Variants in ACSL1 observed in about 807,000 individuals in gnomAD.
ACSL1 encodes the protein long-chain-fatty-acid--CoA ligase 1.
Under a neutral mutation model 98.4 loss-of-function variants are expected in ACSL1, and 41 were observed. The ratio of observed to expected loss-of-function variants is 0.42; its 90% CI spans 0.32 to 0.54. The LOEUF is 0.54. Among genes scored for constraint, ACSL1 ranks in the 20% least tolerant of loss-of-function variants. ACSL1 has a pLI of 0.13. For synonymous variants in ACSL1, 316 were observed against 322.7 expected (o/e 0.98, Z 0.22); for missense variants, 734 against 883.1 (o/e 0.83, Z 2.14).
chr4:184,773,193 G>T lies in ACSL1; in HGVS notation c.842-39C>A. On this transcript the variant is annotated intron_variant, in intron 9 of 20. Coordinates refer to ENST00000281455, the MANE Select transcript of ACSL1 (RefSeq NM_001995.5). This position sits in a 1 kb window ranked among gnomAD's most constrained non-coding sequence, Gnocchi z 4.3. Reference sequence around the variant, plus strand: ...ATGAAGCAGAACAAAGTTAAAGAATGACAGAAATGAAGGAGGCCCAGAAAC... The same window carrying T: ...ATGAAGCAGAACAAAGTTAAAGAATTACAGAAATGAAGGAGGCCCAGAAAC... 6.4e-7 allele frequency: 1 copy of T among 1,573,062 alleles called. No homozygotes were observed. Among genetic ancestry groups the T allele is most frequent in the South Asian group, 1.1e-5 (1 of 89,844 alleles).
chr4:184,758,054 C>T (rs1325565528), intron 18 of ACSL1, 134 bp from the exon 19 acceptor site: 2 of 785,062 alleles, frequency 2.5e-6, no homozygotes, highest in South Asian at 3.5e-5. Context: ...GAACATACTA[C>T]CCCCCTCCCC....
At chr4:184,823,327 A>C (rs566201870) in intron 1 of ACSL1, among the ~76,000 whole-genome samples, 91 of 152,356 alleles carry the variant, frequency 6.0e-4, no homozygotes, top group African/African-American at 2.1e-3. Flanking sequence ...CATCCAAACA[A>C]GACTCTCCAC....
chr4:184,761,457 T>C (rs1027361941), intron 17 of ACSL1, among the ~76,000 whole-genome samples: 3 of 152,172 alleles, frequency 2.0e-5, no homozygotes, highest in African/African-American at 7.2e-5. Context: ...GCAATCAGCA[T>C]CATAATAACT....
At chr4:184,781,603 GTTTC>G (rs935136303) in intron 4 of ACSL1, among the ~76,000 whole-genome samples, 1 of 151,514 alleles carries the variant, frequency 6.6e-6, no homozygotes, top group Non-Finnish European at 1.5e-5. Context: ...TCTTTTCTTT[GTTTC>G]TTTCTTTTTT....
chr4:184,762,653 G>A (rs773500669), intron 16 of ACSL1, 130 bp from the exon 17 acceptor site: 9 of 783,806 alleles, frequency 1.1e-5, no homozygotes. Flanking sequence ...AGGATGCAGA[G>A]GGAGTTACCA....
chr4:184,777,954 G>A (rs963439451), intron 5 of ACSL1, among the ~76,000 whole-genome samples: 5 of 152,234 alleles, frequency 3.3e-5, no homozygotes, highest in African/African-American at 1.2e-4. Flanking sequence ...GGGGCTCAAG[G>A]AAGACCCCTC....
intron 1 of ACSL1, chr4:184,812,304 G>T: frequency 1.2e-6 from 1 of 867,104 alleles, no homozygotes; most frequent in Non-Finnish European, 1.4e-6. Context: ...AGTCATGAAT[G>T]ACCCTCTGTG....
chr4:184,783,948 A>T lies in ACSL1; in HGVS notation c.354T>A (p.Tyr118Ter). 1.9e-6 allele frequency: 3 copies of T among 1,613,894 alleles called. No individual in the cohort carries two copies. The highest frequency in any genetic ancestry group is 2.5e-6 in the Non-Finnish European group (3 of 1,179,854). Reference sequence around the variant, plus strand: ...TCACCTGTTTATATGAAAGCCATTCATAGGGTTGGTCTGGTTTCCGAGAGC... The same window carrying T: ...TCACCTGTTTATATGAAAGCCATTCTTAGGGTTGGTCTGGTTTCCGAGAGC... ...CLGSRKPDQP[Y>*]EWLSYKQVAE... The change falls in exon 4 of 21, where the codon TAT (tyrosine) becomes TAA (stop). Residue 118 changes from tyrosine to a stop codon, truncating the protein, a stop_gained. Coordinates refer to ENST00000281455, the MANE Select transcript of ACSL1 (RefSeq NM_001995.5). LOFTEE classifies it high-confidence loss of function.
At chr4:184,812,770 T>G (rs1451234892) in intron 1 of ACSL1, among the ~76,000 whole-genome samples, 1 of 152,154 alleles carries the variant, frequency 6.6e-6, no homozygotes, top group African/African-American at 2.4e-5. Flanking sequence ...ATAAGTACTT[T>G]TCTTAAGTAA....
intron 2 of ACSL1, among the ~76,000 whole-genome samples, chr4:184,802,926 C>T (rs1023205677): frequency 6.6e-6 from 1 of 152,322 alleles, no homozygotes; most frequent in Middle Eastern, 3.4e-3. Context: ...AGATGTACCA[C>T]GAGTGCATTC....
chr4:184,808,547 G>T (rs950939948), intron 1 of ACSL1: 1 of 970,740 alleles, frequency 1.0e-6, no homozygotes, highest in Non-Finnish European at 1.2e-6. Context: ...TCCGTGCCCC[G>T]CCTCCTCCCC....
chr4:184,818,108 A>T (rs1016505654), intron 1 of ACSL1, among the ~76,000 whole-genome samples: 6 of 152,114 alleles, frequency 3.9e-5, no homozygotes, highest in Admixed American at 6.6e-5. Context: ...GGGCTGCTTG[A>T]CAGATAAGGT....
chr4:184,812,343 T>G (rs1772205592), intron 1 of ACSL1: 1 of 480,836 alleles, frequency 2.1e-6, no homozygotes, highest in South Asian at 8.9e-5. Context: ...CCTCTGTGAT[T>G]CTGACTGTGT....
chr4:184,790,696 T>C (rs1328913764), intron 2 of ACSL1, among the ~76,000 whole-genome samples: 1 of 152,246 alleles, frequency 6.6e-6, no homozygotes, highest in Non-Finnish European at 1.5e-5. Context: ...TTCTGTAAAA[T>C]GGAGACATCA....
chr4:184,760,134 CCTCT>C (rs746772902), intron 18 of ACSL1, among the ~76,000 whole-genome samples: 1 of 152,260 alleles, frequency 6.6e-6, no homozygotes, highest in Non-Finnish European at 1.5e-5. Context: ...GTACATCAGA[CCTCT>C]CTAAGTAAAA....
At chr4:184,802,014 T>C (rs1770611009) in intron 2 of ACSL1, among the ~76,000 whole-genome samples, 1 of 152,204 alleles carries the variant, frequency 6.6e-6, no homozygotes. Context: ...GCTCTGCCAG[T>C]AGAGAAGGAA....
At chr4:184,811,020 C>T (rs1333525206) in intron 1 of ACSL1, among the ~76,000 whole-genome samples, 3 of 152,190 alleles carry the variant, frequency 2.0e-5, no homozygotes, top group Non-Finnish European at 4.4e-5. Flanking sequence ...AAGAGCTGAG[C>T]ACATCAGCCC....
intron 1 of ACSL1, among the ~76,000 whole-genome samples, chr4:184,818,126 C>T (rs921360637): frequency 6.6e-6 from 1 of 152,200 alleles, no homozygotes; most frequent in Non-Finnish European, 1.5e-5. Flanking sequence ...GGTCCCCCGC[C>T]AGCTCCCCAT....
At chr4:184,768,492 CA>C in intron 11 of ACSL1, 42 bp from the exon 12 acceptor site, 2 of 1,590,136 alleles carry the variant, frequency 1.3e-6, no homozygotes, top group Non-Finnish European at 1.7e-6. Context: ...ATCACCACAG[CA>C]GGGGTTACAC....
Sources: allele counts gnomAD v4.1 joint callset (sites outside exome capture counted in the v4.1 genomes callset), GRCh38; gene constraint gnomAD v4.1.1; non-coding constraint Gnocchi (gnomAD v3.1); transcripts MANE v1.5; gene names NCBI Gene and HGNC (gene_info 2026-07-23, HGNC 2026-07-21).